The following ANKRD13A variants were observed in gnomAD, a reference collection of about 807,000 sequenced individuals.
ANKRD13A encodes the protein ankyrin repeat domain-containing protein 13A.
In ANKRD13A, 48 loss-of-function variants were observed where a neutral mutation model predicts 81.3. The observed-to-expected ratio is 0.59, with a 90% CI of 0.47 to 0.75. The LOEUF (loss-of-function observed/expected upper bound fraction) is 0.75. Ranked by LOEUF, ANKRD13A falls within the 30% of genes least tolerant of loss-of-function variation. ANKRD13A has a pLI of 0.00. For missense variants in ANKRD13A, 612 were observed against 734.0 expected (o/e 0.83, Z 1.92); for synonymous variants, 230 against 270.1 (o/e 0.85, Z 1.45).
At chr12:110,014,585 C>T (rs1236154700) in intron 3 of ANKRD13A, among the ~76,000 whole-genome samples, 2 of 152,104 alleles carry the variant, frequency 1.3e-5, no homozygotes, top group Non-Finnish European at 2.9e-5. Flanking sequence ...TCTTGTCTTT[C>T]AACAGTATCT....
chr12:110,029,151 T>G, intron 10 of ANKRD13A: 1 of 225,618 alleles, frequency 4.4e-6, no homozygotes, highest in Non-Finnish European at 8.7e-6. Context: ...GATGTAAGAA[T>G]TCCTTTTTTT....
rs1191169478 is a variant in ANKRD13A, at chr12:110,027,515, T to C, written c.884-190T>C. ...AATTCTTACAACTGTTTATCTAGTTTAGAGATCCTCATGAAAAGCACCCTA... is the reference window on the plus strand; with the variant it reads ...AATTCTTACAACTGTTTATCTAGTTCAGAGATCCTCATGAAAAGCACCCTA... On this transcript the variant is annotated intron_variant, in intron 8 of 14. Transcript: ENST00000261739. 4 of 588,530 alleles carry C rather than the reference T, an allele frequency of 6.8e-6. No individual in the cohort carries two copies. In the East Asian group the frequency reaches 1.1e-4, roughly 17 times the overall value. 36.5% of individuals were successfully genotyped at this position (588,530 alleles called of 1,614,324 possible). A position where few individuals can be genotyped will look rare whatever the true frequency, so the allele number is the denominator to read the frequency against.
chr12:110,023,050 G>A (rs546071308), intron 6 of ANKRD13A, among the ~76,000 whole-genome samples: 2 of 152,282 alleles, frequency 1.3e-5, no homozygotes, highest in Admixed American at 6.5e-5. Context: ...GCTAATAACC[G>A]CATATGTTCT....
At chr12:110,017,945 AG>A (rs200055440) in intron 4 of ANKRD13A, among the ~76,000 whole-genome samples, 12 of 151,786 alleles carry the variant, frequency 7.9e-5, no homozygotes, top group African/African-American at 1.9e-4. Context: ...AAAAAAAAAA[AG>A]TGGCATACTT....
Position 110,037,629 on chromosome 12 carries a change from A to G in ANKRD13A, c.*75A>G. On this transcript the variant is annotated 3_prime_UTR_variant, in exon 15 of 15. Coordinates refer to ENST00000261739, the MANE Select transcript of ANKRD13A (RefSeq NM_033121.2). Reference sequence around the variant, plus strand: ...CAGATGCTGTGTCAACCAGGGCCCTAGGGCTAAGGGCCTGCACCTTGCGTG... The same window carrying G: ...CAGATGCTGTGTCAACCAGGGCCCTGGGGCTAAGGGCCTGCACCTTGCGTG... 2.1e-6 allele frequency: 3 copies of G among 1,458,218 alleles called. No homozygotes were observed. Among genetic ancestry groups the G allele is most frequent in the Non-Finnish European group, 1.9e-6 (2 of 1,078,554 alleles). 90.3% of individuals were successfully genotyped at this position (1,458,218 alleles called of 1,614,324 possible). A position where few individuals can be genotyped will look rare whatever the true frequency, so the allele number is the denominator to read the frequency against.
At chr12:110,030,535 T>C (rs2137168689) in intron 11 of ANKRD13A, 110 bp from the exon 12 acceptor site, 1 of 528,084 alleles carries the variant, frequency 1.9e-6, no homozygotes, top group East Asian at 3.8e-5. Flanking sequence ...GAGGCTTAAA[T>C]AAAATTATAC....
rs1376373473 is a variant in ANKRD13A at position 110,018,237 on chromosome 12, A to T, written c.401-108A>T. ...CCAAGAAGTCCGTTGTTTGATGGTCACCATCTTGCCACTCCCCTCCTTTTA... is the reference window on the plus strand; with the variant it reads ...CCAAGAAGTCCGTTGTTTGATGGTCTCCATCTTGCCACTCCCCTCCTTTTA... On this transcript the variant is annotated intron_variant, in intron 4 of 14. Transcript: ENST00000261739. The surrounding 1 kb of genome is among the most constrained non-coding windows in gnomAD (Gnocchi z 4.4). The T allele has an allele frequency of 4.2e-6, 5 of 1,187,458 alleles. No homozygotes were observed. Among genetic ancestry groups the T allele is most frequent in the South Asian group, 1.7e-5 (1 of 59,580 alleles). 73.6% of individuals were successfully genotyped at this position (1,187,458 alleles called of 1,614,324 possible).
rs34586781 is a variant in ANKRD13A, at chr12:110,000,755, C to CTTT, written c.96+988_96+990dup. Among the ~76,000 whole-genome samples, 9 of 125,888 alleles carry CTTT rather than the reference C, an allele frequency of 7.1e-5. No individual in the cohort carries two copies. In the South Asian group the frequency reaches 1.0e-3, roughly 14 times the overall value. The allele number at this position is 125,888 out of a possible 152,430, so 82.6% of individuals were successfully genotyped here. A position where few individuals can be genotyped will look rare whatever the true frequency, so the allele number is the denominator to read the frequency against. On this transcript the variant is annotated intron_variant, in intron 1 of 14. Transcript: ENST00000261739. The stretch of plus-strand genomic sequence containing the variant: ...AAACTCTGCTTTTCTTTCTTTCCTT[C>CTTT]TTTTTTTTTTTTTTTTTTTGAGACT...
Position 110,036,594 on chromosome 12 carries a change from T to C in ANKRD13A, c.1577+266T>C, listed in dbSNP as rs1892064404. Among the ~76,000 whole-genome samples the C allele has an allele frequency of 6.6e-6, 1 of 151,860 alleles. No individual in the cohort carries two copies. The highest frequency in any genetic ancestry group is 2.1e-4 in the South Asian group (1 of 4,820). On this transcript the variant is annotated intron_variant, in intron 14 of 14. Transcript: ENST00000261739. This position sits in a 1 kb window ranked among gnomAD's most constrained non-coding sequence, Gnocchi z 4.6. ...GAAACCCTGTCTCTCCTAAAAAAAA[T>C]ACAAAAAATTAGCCGGGCATGGTGC... is the stretch of plus-strand genomic sequence containing the variant.
intron 1 of ANKRD13A, among the ~76,000 whole-genome samples, chr12:110,003,806 T>C (rs1267747802): frequency 6.6e-6 from 1 of 152,054 alleles, no homozygotes; most frequent in Non-Finnish European, 1.5e-5. Flanking sequence ...GGTCAGTGCT[T>C]GAGGACAGGA....
chr12:110,032,282 T>A (rs1891739040), intron 12 of ANKRD13A: 1 of 152,224 alleles, frequency 6.6e-6, no homozygotes, highest in South Asian at 2.1e-4. Flanking sequence ...AGTATTGATT[T>A]TTGTGAGATG....
intron 12 of ANKRD13A, 128 bp downstream of exon 12, chr12:110,030,886 G>A (rs1440751162): frequency 2.6e-6 from 1 of 386,434 alleles, no homozygotes; most frequent in Non-Finnish European, 4.6e-6. Context: ...CCTGAGGTCG[G>A]GAGTTTGAGA....
chr12:110,006,602 C>CTT (rs201846270), intron 1 of ANKRD13A, among the ~76,000 whole-genome samples: 5 of 146,584 alleles, frequency 3.4e-5, no homozygotes, highest in African/African-American at 1.2e-4. Flanking sequence ...CATGGGTTGT[C>CTT]TTTTTTTTTT....
Position 110,037,620 on chromosome 12 carries a change from C to G in ANKRD13A, c.*66C>G. 4.6e-6 allele frequency: 7 copies of G among 1,536,482 alleles called. No individual in the cohort carries two copies. Among genetic ancestry groups the G allele is most frequent in the Non-Finnish European group, 6.1e-6 (7 of 1,138,390 alleles). ...GGGCTGTCACAGATGCTGTGTCAACCAGGGCCCTAGGGCTAAGGGCCTGCA... is the reference window on the plus strand; with the variant it reads ...GGGCTGTCACAGATGCTGTGTCAACGAGGGCCCTAGGGCTAAGGGCCTGCA... On this transcript the variant is annotated 3_prime_UTR_variant, in exon 15 of 15. Coordinates refer to ENST00000261739, the MANE Select transcript of ANKRD13A (RefSeq NM_033121.2).
At chr12:110,035,568 C>A (rs541540641) in intron 13 of ANKRD13A, among the ~76,000 whole-genome samples, 20 of 152,068 alleles carry the variant, frequency 1.3e-4, no homozygotes, top group Non-Finnish European at 2.9e-4. Flanking sequence ...TCATGCCTCA[C>A]CCTCCCGAGT....
chr12:110,036,716 C>T lies in ANKRD13A; in HGVS notation c.1577+388C>T, dbSNP rs537207045. On this transcript the variant is annotated intron_variant, in intron 14 of 14. Coordinates refer to ENST00000261739, the MANE Select transcript of ANKRD13A (RefSeq NM_033121.2). The surrounding 1 kb of genome is among the most constrained non-coding windows in gnomAD (Gnocchi z 4.6). Reference sequence around the variant, plus strand: ...AGTGAGCCGAGATCGCGCCACTGCACTCCAGCCTGGGCGATAGAGCGAGAC... The same window carrying T: ...AGTGAGCCGAGATCGCGCCACTGCATTCCAGCCTGGGCGATAGAGCGAGAC... Among the ~76,000 whole-genome samples, 1 of 152,210 alleles carries T rather than the reference C, an allele frequency of 6.6e-6. No individual in the cohort carries two copies. The highest frequency in any genetic ancestry group is 6.5e-5 in the Admixed American group (1 of 15,296).
At chr12:110,035,762 T>A (rs1338056952) in intron 13 of ANKRD13A, among the ~76,000 whole-genome samples, 1 of 152,090 alleles carries the variant, frequency 6.6e-6, no homozygotes, top group Non-Finnish European at 1.5e-5. Context: ...TACCAAAAAA[T>A]TTTAAAAGCC....
intron 13 of ANKRD13A, among the ~76,000 whole-genome samples, chr12:110,035,738 C>T (rs1291107927): frequency 6.6e-6 from 1 of 152,078 alleles, no homozygotes. Context: ...GTGTGAGCCA[C>T]CATGCCTAGC....
intron 3 of ANKRD13A, among the ~76,000 whole-genome samples, chr12:110,015,709 G>A (rs1185173832): frequency 6.6e-6 from 1 of 152,018 alleles, no homozygotes; most frequent in East Asian, 1.9e-4. Flanking sequence ...ACCATGCCGA[G>A]CTAATTTTTG....
Sources: allele counts gnomAD v4.1 joint callset (sites outside exome capture counted in the v4.1 genomes callset), GRCh38; gene constraint gnomAD v4.1.1; non-coding constraint Gnocchi (gnomAD v3.1); transcripts MANE v1.5; gene names NCBI Gene and HGNC (gene_info 2026-07-23, HGNC 2026-07-21).